The following CAMTA1 variants were observed in gnomAD, a reference collection of about 807,000 sequenced individuals.
The protein encoded by CAMTA1 is calmodulin binding transcription activator 1, also known as calmodulin-binding transcription activator 1.
A neutral mutation model predicts 170.9 loss-of-function variants in CAMTA1; 27 were observed. The ratio of observed to expected loss-of-function variants is 0.16; its 90% CI spans 0.12 to 0.22. The LOEUF (loss-of-function observed/expected upper bound fraction) is 0.22. Among genes scored for constraint, CAMTA1 ranks in the 10% least tolerant of loss-of-function variants. CAMTA1 has a pLI of 1.00. For synonymous variants in CAMTA1, 833 were observed against 891.5 expected, an observed-to-expected ratio of 0.93 and a Z score of 1.17; for missense variants, 1,619 against 2,217.2, an observed-to-expected ratio of 0.73 and a Z score of 5.42.
At chr1:7,503,924 A>G (rs1300834762) in intron 6 of CAMTA1, among the ~76,000 whole-genome samples, 2 of 152,114 alleles carry the variant, frequency 1.3e-5, no homozygotes, top group African/African-American at 4.8e-5. Context: ...GAGGCTGGAG[A>G]GGAGCCAGAG....
intron 6 of CAMTA1, among the ~76,000 whole-genome samples, chr1:7,535,903 T>C (rs2094543825): frequency 6.6e-6 from 1 of 152,216 alleles, no homozygotes; most frequent in Admixed American, 6.5e-5. Context: ...CCACAGTGGG[T>C]GAGCTCCGGT....
At chr1:7,726,484 A>C (rs528692853) in intron 11 of CAMTA1, among the ~76,000 whole-genome samples, 16 of 152,202 alleles carry the variant, frequency 1.1e-4, no homozygotes, top group Admixed American at 3.3e-4. Flanking sequence ...GAAGGCTCTA[A>C]GTAGGTGGCT....
At position 7,477,688 on chromosome 1, in the gene CAMTA1, C is replaced by T. The variant is rs374490802; in HGVS notation, c.510+9787C>T. ...CTTCCCGATTCCTTCCTTCACCCCT[C>T]CCCGCCTCTGGGGACTGGGCGACAG... On this transcript the variant is annotated intron_variant, in intron 6 of 22. Transcript: ENST00000303635. Among the ~76,000 whole-genome samples, 6 of 152,216 alleles carry T rather than the reference C, an allele frequency of 3.9e-5. No individual in the cohort carries two copies. The East Asian group carries it at 7.7e-4, about 20-fold the overall frequency.
At chr1:7,446,384 T>A (rs2092681437) in intron 5 of CAMTA1, among the ~76,000 whole-genome samples, 1 of 152,196 alleles carries the variant, frequency 6.6e-6, no homozygotes, top group Non-Finnish European at 1.5e-5. Context: ...ATAACAATAT[T>A]TGATCACAAA....
chr1:7,619,896 T>G (rs1387110469), intron 6 of CAMTA1, among the ~76,000 whole-genome samples: 1 of 152,182 alleles, frequency 6.6e-6, no homozygotes, highest in African/African-American at 2.4e-5. Flanking sequence ...GTGATCCGCC[T>G]GCCTCGGGAG....
chr1:6,966,160 T>C (rs564993423), intron 3 of CAMTA1, among the ~76,000 whole-genome samples: 23 of 152,292 alleles, frequency 1.5e-4, no homozygotes, highest in African/African-American at 5.1e-4. Context: ...CAGGAATTTT[T>C]CCCACTTTTT....
intron 5 of CAMTA1, among the ~76,000 whole-genome samples, chr1:7,439,499 G>A (rs913652320): frequency 6.6e-6 from 1 of 152,154 alleles, no homozygotes; most frequent in Non-Finnish European, 1.5e-5. Flanking sequence ...ATGGAGGGTC[G>A]ATTCACCTGC....
rs1641677474 is a variant in CAMTA1 at position 7,093,133 on chromosome 1, C to T, written c.302+1762C>T. Among the ~76,000 whole-genome samples the T allele has an allele frequency of 6.6e-6, 1 of 152,154 alleles. No homozygotes were observed. The highest frequency in any genetic ancestry group is 2.4e-5 in the African/African-American group (1 of 41,414). ...TCATTTCCCCTTTCTTCTGCGGCAT[C>T]TTCTTGGAGGACATCATTCTCAAAC... On this transcript the variant is annotated intron_variant, in intron 4 of 22. Transcript: ENST00000303635. The surrounding 1 kb of genome is among the most constrained non-coding windows in gnomAD (Gnocchi z 4.6).
intron 4 of CAMTA1, among the ~76,000 whole-genome samples, chr1:7,110,370 G>A (rs1218449965): frequency 6.6e-6 from 1 of 152,080 alleles, no homozygotes; most frequent in Non-Finnish European, 1.5e-5. Flanking sequence ...TAGCCACTGT[G>A]CTTCAGGAGA....
chr1:7,153,381 C>A (rs1010142353), intron 4 of CAMTA1, among the ~76,000 whole-genome samples: 2 of 152,184 alleles, frequency 1.3e-5, no homozygotes, highest in Admixed American at 1.3e-4. Flanking sequence ...AAGGCACACA[C>A]CTGCTGTCCA....
At chr1:7,462,250 C>A (rs2093108248) in intron 5 of CAMTA1, among the ~76,000 whole-genome samples, 2 of 152,116 alleles carry the variant, frequency 1.3e-5, no homozygotes. Context: ...GCCTCAGCCT[C>A]CCAAGGAGCT....
chr1:7,655,480 A>AC (rs2095890968), intron 7 of CAMTA1, among the ~76,000 whole-genome samples: 1 of 10,118 alleles, frequency 9.9e-5, no homozygotes, highest in Non-Finnish European at 2.1e-4. Context: ...CACCTATACA[A>AC]ACACACACCT....
At chr1:6,785,609 C>T (rs1204316452) in intron 1 of CAMTA1, 34 bp downstream of exon 1, 7 of 987,880 alleles carry the variant, frequency 7.1e-6, no homozygotes, top group Middle Eastern at 5.0e-4. Context: ...TGGGGGGCGG[C>T]GCGGCGGGCG....
intron 1 of CAMTA1, among the ~76,000 whole-genome samples, chr1:6,794,880 C>CTTTTTTTTTTTTTTTT (rs1305335139): frequency 3.5e-4 from 50 of 141,910 alleles, no homozygotes; most frequent in East Asian, 8.3e-4. Context: ...TAGATAAAGG[C>CTTTTTTTTTTTTTTTT]TTTTTTTTTG....
chr1:7,287,179 G>A (rs1311899508), intron 5 of CAMTA1, among the ~76,000 whole-genome samples: 14 of 152,318 alleles, frequency 9.2e-5, no homozygotes, highest in South Asian at 6.2e-4. Flanking sequence ...AGGTGCTACC[G>A]AGAGGGATTT....
At chr1:7,309,799 A>T (rs576065837) in intron 5 of CAMTA1, among the ~76,000 whole-genome samples, 1 of 152,124 alleles carries the variant, frequency 6.6e-6, no homozygotes, top group African/African-American at 2.4e-5. Flanking sequence ...TACCACTTCA[A>T]GTGGAACATA....
chr1:7,435,767 A>C lies in CAMTA1; in HGVS notation c.439-32063A>C, dbSNP rs752223361. Among the ~76,000 whole-genome samples the C allele has an allele frequency of 1.3e-5, 2 of 152,164 alleles. No homozygotes were observed. Among genetic ancestry groups the C allele is most frequent in the Non-Finnish European group, 2.9e-5 (2 of 68,020 alleles). On this transcript the variant is annotated intron_variant, in intron 5 of 22. Coordinates refer to ENST00000303635, the MANE Select transcript of CAMTA1 (RefSeq NM_015215.4). The surrounding 1 kb of genome is among the most constrained non-coding windows in gnomAD (Gnocchi z 4.4). ...CACAGGGGCCCGCCTATCTGAAGTC[A>C]GGGCAATCCACGCAGAGAGCCCTCC...
At chr1:7,169,711 C>A (rs1649215764) in intron 4 of CAMTA1, among the ~76,000 whole-genome samples, 1 of 152,146 alleles carries the variant, frequency 6.6e-6, no homozygotes, top group Non-Finnish European at 1.5e-5. Context: ...GTGGTTTCAC[C>A]ATGTTGGCCA....
At chr1:7,700,636 A>C (rs1164395609) in intron 11 of CAMTA1, 1 of 152,208 alleles carries the variant, frequency 6.6e-6, no homozygotes, top group African/African-American at 2.4e-5. Context: ...CCTATAAACA[A>C]GCTTGCACAA....
Sources: allele counts gnomAD v4.1 joint callset (sites outside exome capture counted in the v4.1 genomes callset), GRCh38; gene constraint gnomAD v4.1.1; non-coding constraint Gnocchi (gnomAD v3.1); transcripts MANE v1.5; gene names NCBI Gene and HGNC (gene_info 2026-07-23, HGNC 2026-07-21).